LPIN2: variants seen among roughly 807,000 people sequenced by gnomAD.
The protein encoded by LPIN2 is phosphatidate phosphatase LPIN2.
LPIN2 carries 55 observed loss-of-function variants against 111.4 expected under a neutral mutation model. The ratio of observed to expected loss-of-function variants is 0.49; its 90% CI spans 0.40 to 0.62. LPIN2 has a LOEUF of 0.62. Among genes scored for constraint, LPIN2 ranks in the 20% least tolerant of loss-of-function variants. The pLI is 0.00. For synonymous variants in LPIN2, 425 were observed against 414.0 expected, an observed-to-expected ratio of 1.03 and a Z score of -0.32; for missense variants, 992 against 1,112.1, an observed-to-expected ratio of 0.89 and a Z score of 1.54.
intron 11 of LPIN2, 96 bp downstream of exon 11, chr18:2,928,495 A>G: frequency 1.7e-6 from 2 of 1,190,136 alleles, no homozygotes; most frequent in Non-Finnish European, 2.5e-6. Flanking sequence ...AAAACTTTGA[A>G]TAGTACCCAG....
chr18:2,959,507 T>C, intron 2 of LPIN2, among the ~76,000 whole-genome samples: 1 of 152,216 alleles, frequency 6.6e-6, no homozygotes, highest in East Asian at 1.9e-4. Flanking sequence ...CTTTAAAATG[T>C]TGACAAAGCC....
chr18:2,977,953 G>A (rs894016389), intron 1 of LPIN2, among the ~76,000 whole-genome samples: 2 of 152,168 alleles, frequency 1.3e-5, no homozygotes, highest in Non-Finnish European at 2.9e-5. Flanking sequence ...AGCACTTTGG[G>A]AGGCCAAGGA....
intron 4 of LPIN2, among the ~76,000 whole-genome samples, chr18:2,943,202 TC>T (rs367564059): frequency 0.052 from 7,692 of 148,508 alleles, 255 homozygotes; most frequent in Non-Finnish European, 0.082. Flanking sequence ...CAGTTTTTTT[TC>T]TGTTTTGTTT....
intron 1 of LPIN2, among the ~76,000 whole-genome samples, chr18:2,986,051 CA>C (rs1346294097): frequency 2.6e-5 from 4 of 152,316 alleles, no homozygotes; most frequent in Admixed American, 2.0e-4. Context: ...TCACCTGAAA[CA>C]AATGTTTTCA....
intron 1 of LPIN2, chr18:2,976,990 T>G (rs2078028840): frequency 6.6e-6 from 1 of 152,174 alleles, no homozygotes; most frequent in Non-Finnish European, 1.5e-5. Context: ...GCAGATCACT[T>G]GAGCCCAGGA....
chr18:2,951,074 T>G lies in LPIN2; in HGVS notation c.571A>C (p.Lys191Gln). The G allele has an allele frequency of 6.2e-7, 1 of 1,614,176 alleles. No homozygotes were observed. Among genetic ancestry groups the G allele is most frequent in the Non-Finnish European group, 8.5e-7 (1 of 1,180,026 alleles). Reference sequence around the variant, plus strand: ...TCCTACCGTGCTGCCTGGGCCCCCTTGTCATCATCGGAGCTCACGCCTACA... The same window carrying G: ...TCCTACCGTGCTGCCTGGGCCCCCTGGTCATCATCGGAGCTCACGCCTACA... ...CDVGVSSDDD[K>Q]GAQAARGSSN... is the part of the protein sequence containing the mutation. Residue 191 changes from lysine (K) to glutamine (Q), a missense_variant, in exon 4 of 20, where the codon AAG (lysine) becomes CAG (glutamine). Lys to Gln is a moderately conservative substitution (Grantham distance 53). Transcript: ENST00000677752.
At chr18:2,937,661 G>A in intron 7 of LPIN2, 31 bp downstream of exon 7, 1 of 1,557,772 alleles carries the variant, frequency 6.4e-7, no homozygotes, top group Admixed American at 1.7e-5. Context: ...TAATTTGAGA[G>A]TACCTGGAGC....
In LPIN2 at chr18:2,980,802, C is replaced by T. The variant is rs573499360; in HGVS notation, c.-9-19953G>A. Among the ~76,000 whole-genome samples the T allele has an allele frequency of 2.7e-5, 4 of 150,778 alleles. No homozygotes were observed. The South Asian group carries it at 8.3e-4, about 31-fold the overall frequency. On this transcript the variant is annotated intron_variant, in intron 1 of 19. Coordinates refer to ENST00000677752, the MANE Select transcript of LPIN2 (RefSeq NM_001375808.2). ...GAATGGTCAGGTGACCTCTAGAGTCCCCCCCCAGCTCTAAACTGCAGAAAA... is the reference window on the plus strand; with the variant it reads ...GAATGGTCAGGTGACCTCTAGAGTCTCCCCCCAGCTCTAAACTGCAGAAAA...
rs2076985715 is a variant in LPIN2, at chr18:2,917,391, G to A, written c.*2902C>T. 6.6e-6 allele frequency: 1 copy of A among 152,176 alleles called. No homozygotes were observed. The highest frequency in any genetic ancestry group is 2.1e-4 in the South Asian group (1 of 4,824). 9.4% of individuals were successfully genotyped at this position (152,176 alleles called of 1,614,324 possible). A position where few individuals can be genotyped will look rare whatever the true frequency, so the allele number is the denominator to read the frequency against. On this transcript the variant is annotated 3_prime_UTR_variant, in exon 20 of 20. Transcript: ENST00000677752. ...CCCGGAAGTCTGTTTTTGCCAACTTGTAAAAAGTGAAAGAGCTGACTTCCT... is the reference window on the plus strand; with the variant it reads ...CCCGGAAGTCTGTTTTTGCCAACTTATAAAAAGTGAAAGAGCTGACTTCCT...
chr18:2,964,797 T>C, intron 1 of LPIN2, among the ~76,000 whole-genome samples: 1 of 152,086 alleles, frequency 6.6e-6, no homozygotes, highest in East Asian at 1.9e-4. Context: ...AGAACTATTA[T>C]GTCCACTAGA....
chr18:2,926,908 C>T (rs2077140831), intron 12 of LPIN2, 103 bp from the exon 13 acceptor site: 3 of 863,774 alleles, frequency 3.5e-6, no homozygotes, highest in Non-Finnish European at 3.8e-6. Context: ...GCCTTCTGAA[C>T]CCACAACTTA....
intron 4 of LPIN2, among the ~76,000 whole-genome samples, chr18:2,942,881 A>C (rs2077384535): frequency 6.6e-6 from 1 of 152,246 alleles, no homozygotes; most frequent in Admixed American, 6.5e-5. Context: ...TACACAGTAG[A>C]ATGTGAAGAA....
At chr18:2,995,442 G>C (rs2078326568) in intron 1 of LPIN2, among the ~76,000 whole-genome samples, 1 of 151,182 alleles carries the variant, frequency 6.6e-6, no homozygotes, top group Non-Finnish European at 1.5e-5. Flanking sequence ...CCAAGTTTTG[G>C]TGTAAAACTG....
intron 12 of LPIN2, 110 bp downstream of exon 12, chr18:2,927,611 TA>T: frequency 1.7e-6 from 2 of 1,145,214 alleles, no homozygotes; most frequent in Non-Finnish European, 2.6e-6. Flanking sequence ...TGCTATATGG[TA>T]AAATAGCCCT....
chr18:2,926,127 A>G (rs1217908097), intron 13 of LPIN2, among the ~76,000 whole-genome samples: 13 of 152,170 alleles, frequency 8.5e-5, no homozygotes, highest in Admixed American at 8.5e-4. Flanking sequence ...TCTAGAAAAA[A>G]ACAAAAACTA....
chr18:2,947,915 T>C (rs1212504731), intron 4 of LPIN2, among the ~76,000 whole-genome samples: 1 of 152,168 alleles, frequency 6.6e-6, no homozygotes, highest in East Asian at 1.9e-4. Flanking sequence ...GGTGCTGAGC[T>C]GAAAGGGGCC....
At position 2,991,239 on chromosome 18, in the gene LPIN2, G is replaced by A. The variant is rs139536572; in HGVS notation, c.-10+21848C>T. Among the ~76,000 whole-genome samples, 159 of 152,284 alleles carry A rather than the reference G, an allele frequency of 1.0e-3. 2 individuals carry two copies. The East Asian group carries it at 0.025, about 24-fold the overall frequency. On this transcript the variant is annotated intron_variant, in intron 1 of 19. Transcript: ENST00000677752. ...GAAAGAATCATTTTGGAGTGGAGAA[G>A]TGGGACAAAAAAAGTGCAGTTTTTA... is the stretch of plus-strand genomic sequence containing the variant.
chr18:2,964,282 C>CAAAAAAAAA (rs56276815), intron 1 of LPIN2, among the ~76,000 whole-genome samples: 8 of 56,808 alleles, frequency 1.4e-4, no homozygotes, highest in East Asian at 6.4e-4. Context: ...GACTCCGTCT[C>CAAAAAAAAA]AAAAAAAAAA....
chr18:2,987,413 A>G (rs2078202669), intron 1 of LPIN2, among the ~76,000 whole-genome samples: 1 of 152,252 alleles, frequency 6.6e-6, no homozygotes, highest in Non-Finnish European at 1.5e-5. Context: ...AGAGTTGATT[A>G]TATCATTAAG....
Sources: allele counts gnomAD v4.1 joint callset (sites outside exome capture counted in the v4.1 genomes callset), GRCh38; gene constraint gnomAD v4.1.1; transcripts MANE v1.5; gene names NCBI Gene and HGNC (gene_info 2026-07-23, HGNC 2026-07-21).